RFX8: variants seen among roughly 807,000 people sequenced by gnomAD.
RFX8 encodes the protein DNA-binding protein RFX8.
In RFX8, 46 loss-of-function variants were observed where a neutral mutation model predicts 54.6. The observed-to-expected ratio is 0.84, with a 90% CI of 0.67 to 1.08. RFX8 has a LOEUF of 1.08. RFX8 is among the 50% of genes least tolerant of loss of function. The probability of loss-of-function intolerance (pLI) is 0.00; values close to 1 mark genes in which losing one functional copy is unlikely to be tolerated. For missense variants in RFX8, 536 were observed against 562.3 expected, an observed-to-expected ratio of 0.95 and a Z score of 0.47; for synonymous variants, 192 against 209.5, an observed-to-expected ratio of 0.92 and a Z score of 0.72.
intron 4 of RFX8, among the ~76,000 whole-genome samples, chr2:101,419,824 A>G (rs1400058388): frequency 6.6e-6 from 1 of 152,164 alleles, no homozygotes; most frequent in East Asian, 1.9e-4. Context: ...TTCTCCAAAG[A>G]GACTCTGAAA....
chr2:101,421,300 C>A, intron 4 of RFX8: 1 of 987,476 alleles, frequency 1.0e-6, no homozygotes, highest in Non-Finnish European at 1.2e-6. Context: ...GGATTAAATC[C>A]AATCGTGACA....
At chr2:101,408,548 G>C (rs1483167803) in intron 9 of RFX8, among the ~76,000 whole-genome samples, 1 of 151,984 alleles carries the variant, frequency 6.6e-6, no homozygotes, top group Non-Finnish European at 1.5e-5. Context: ...ACAGACAATG[G>C]ACAGCGCCTG....
intron 2 of RFX8, among the ~76,000 whole-genome samples, chr2:101,459,128 T>C (rs1573474244): frequency 6.6e-6 from 1 of 152,220 alleles, no homozygotes; most frequent in African/African-American, 2.4e-5. Flanking sequence ...TTTTTCAAGG[T>C]TTTTAGCTTC....
At chr2:101,405,480 A>C (rs1685676052) in intron 10 of RFX8, among the ~76,000 whole-genome samples, 1 of 152,074 alleles carries the variant, frequency 6.6e-6, no homozygotes, top group African/African-American at 2.4e-5. Flanking sequence ...ATTGCATCAA[A>C]GATGTGACCT....
At chr2:101,436,168 G>C (rs1558867777) in intron 2 of RFX8, among the ~76,000 whole-genome samples, 1 of 152,178 alleles carries the variant, frequency 6.6e-6, no homozygotes, top group Non-Finnish European at 1.5e-5. Flanking sequence ...ACAGGGCTTA[G>C]GGGGCAATAT....
intron 10 of RFX8, among the ~76,000 whole-genome samples, chr2:101,404,537 C>G (rs1685619940): frequency 6.6e-6 from 1 of 152,018 alleles, no homozygotes; most frequent in Non-Finnish European, 1.5e-5. Flanking sequence ...CTCAAGCAAT[C>G]CTCCCACCTC....
At chr2:101,433,891 T>A (rs754180910) in intron 2 of RFX8, among the ~76,000 whole-genome samples, 12 of 152,360 alleles carry the variant, frequency 7.9e-5, no homozygotes, top group Non-Finnish European at 1.5e-4. Flanking sequence ...AGAGAAGATA[T>A]CTTTGACTTG....
intron 6 of RFX8, among the ~76,000 whole-genome samples, chr2:101,415,353 T>C (rs908136): frequency 0.97 from 147,240 of 152,278 alleles, 71,342 homozygotes; most frequent in Non-Finnish European, 1. Flanking sequence ...ATCTGTGAAC[T>C]AGTAAGCAGA....
At chr2:101,438,369 C>G (rs1384552743) in intron 2 of RFX8, among the ~76,000 whole-genome samples, 2 of 152,102 alleles carry the variant, frequency 1.3e-5, no homozygotes, top group Non-Finnish European at 2.9e-5. Flanking sequence ...TTTTCTTTAT[C>G]CATTCATCAG....
chr2:101,436,081 C>T (rs1687767145), intron 2 of RFX8, among the ~76,000 whole-genome samples: 1 of 152,148 alleles, frequency 6.6e-6, no homozygotes, highest in Non-Finnish European at 1.5e-5. Flanking sequence ...CCTCTTCTCC[C>T]CTCCCCAGCA....
chr2:101,449,644 G>C lies in RFX8; in HGVS notation c.72+17133C>G, dbSNP rs1238583554. Among the ~76,000 whole-genome samples, 4 of 152,096 alleles carry C rather than the reference G, an allele frequency of 2.6e-5. No homozygotes were observed. The South Asian group carries it at 8.3e-4, about 32-fold the overall frequency. ...ATATGTTGAGTGTGAGGTACCAGTG[G>C]GTCATCGAAGTGGAAATGTCCAGTA... On this transcript the variant is annotated intron_variant, in intron 2 of 11. Transcript: ENST00000428343.
intron 6 of RFX8, among the ~76,000 whole-genome samples, chr2:101,415,289 C>T (rs901690262): frequency 6.6e-6 from 1 of 152,086 alleles, no homozygotes; most frequent in Non-Finnish European, 1.5e-5. Flanking sequence ...ATTAGAGGCC[C>T]CAGAGAGACC....
Position 101,417,607 on chromosome 2 carries a change from A to G in RFX8, c.429T>C (p.Ser143=). The G allele has an allele frequency of 6.4e-7, 1 of 1,551,652 alleles. No homozygotes were observed. The highest frequency in any genetic ancestry group is 8.7e-7 in the Non-Finnish European group (1 of 1,146,854). Reference sequence around the variant, plus strand: ...TAAGGAGCCACAGCTTAAATTTCTTACTAAATAACTGCACAGATTTCAGGT... The same window carrying G: ...TAAGGAGCCACAGCTTAAATTTCTTGCTAAATAACTGCACAGATTTCAGGT... ...IQYLKSVQLF[S]KKFKLWLLNA... is the part of the protein sequence containing the mutation. Residue 143 remains serine (S), a synonymous_variant, in exon 6 of 12, where the codon AGT becomes AGC. Coordinates refer to ENST00000428343, the MANE Select transcript of RFX8 (RefSeq NM_001145664.2).
At chr2:101,468,809 A>G (rs1346757253) in intron 1 of RFX8, among the ~76,000 whole-genome samples, 1 of 151,156 alleles carries the variant, frequency 6.6e-6, no homozygotes, top group Non-Finnish European at 1.5e-5. Context: ...TGCTTCCCAA[A>G]ATCATTGTGG....
intron 2 of RFX8, among the ~76,000 whole-genome samples, chr2:101,430,314 A>G (rs543971934): frequency 2.6e-5 from 4 of 152,326 alleles, no homozygotes; most frequent in Non-Finnish European, 4.4e-5. Flanking sequence ...TGTGTTATGG[A>G]CTGAGTTGCC....
Position 101,461,007 on chromosome 2 carries a change from G to A in RFX8, c.72+5770C>T, listed in dbSNP as rs572083840. Among the ~76,000 whole-genome samples the A allele has an allele frequency of 7.2e-4, 109 of 151,250 alleles. 1 individual carries two copies. The highest frequency in any genetic ancestry group is 2.5e-3 in the African/African-American group (105 of 41,208). On this transcript the variant is annotated intron_variant, in intron 2 of 11. Coordinates refer to ENST00000428343, the MANE Select transcript of RFX8 (RefSeq NM_001145664.2). The stretch of plus-strand genomic sequence containing the variant: ...GGAGACGACAGGCACGGTGGCTCAC[G>A]CCTGTAATCCCAGCACTTTGGGAGG...
chr2:101,464,884 C>T (rs1006655149), intron 2 of RFX8, among the ~76,000 whole-genome samples: 3 of 151,938 alleles, frequency 2.0e-5, no homozygotes, highest in South Asian at 4.1e-4. Context: ...GGTAGGCATC[C>T]CATGGAGCTA....
At chr2:101,412,294 G>A (rs775386019) in intron 8 of RFX8, among the ~76,000 whole-genome samples, 22 of 152,124 alleles carry the variant, frequency 1.4e-4, no homozygotes, top group Non-Finnish European at 2.8e-4. Flanking sequence ...CACTATGTTC[G>A]CTCCCCAAGG....
In RFX8 at chr2:101,397,454, ACAT is replaced by A. The variant is rs780231359; in HGVS notation, c.*91_*93del. On this transcript the variant is annotated 3_prime_UTR_variant, in exon 12 of 12. Coordinates refer to ENST00000428343, the MANE Select transcript of RFX8 (RefSeq NM_001145664.2). Reference sequence around the variant, plus strand: ...CAATGCTACATCTATTATATACATAACATCATCTTTCGTCAATAGAAAAACTTT... The same window carrying A: ...CAATGCTACATCTATTATATACATAACATCTTTCGTCAATAGAAAAACTTT... 33 of 788,980 alleles carry A rather than the reference ACAT, an allele frequency of 4.2e-5. No individual in the cohort carries two copies. Among genetic ancestry groups the A allele is most frequent in the African/African-American group, 4.0e-4 (23 of 57,250 alleles). 48.9% of individuals were successfully genotyped at this position (788,980 alleles called of 1,614,324 possible). A position where few individuals can be genotyped will look rare whatever the true frequency, so the allele number is the denominator to read the frequency against.
Sources: allele counts gnomAD v4.1 joint callset (sites outside exome capture counted in the v4.1 genomes callset), GRCh38; gene constraint gnomAD v4.1.1; transcripts MANE v1.5; gene names NCBI Gene and HGNC (gene_info 2026-07-23, HGNC 2026-07-21).